The following RBMX2 variants were observed in gnomAD, a reference collection of about 807,000 sequenced individuals.
RBMX2 encodes RNA binding motif protein X-linked 2.
For missense variants in RBMX2, 191 were observed against 256.0 expected, an observed-to-expected ratio of 0.75 and a Z score of 1.73; for synonymous variants, 77 against 94.3, an observed-to-expected ratio of 0.82 and a Z score of 1.07.
intron 2 of RBMX2, 84 bp downstream of exon 2, chrX:130,402,454 C>G: frequency 8.8e-7 from 1 of 1,131,668 alleles, no homozygotes; most frequent in Non-Finnish European, 1.2e-6. Flanking sequence ...ACCCTTCACT[C>G]CTGCTTACAT....
intron 1 of RBMX2, 31 bp from the exon 2 acceptor site, chrX:130,402,224 T>TTCCCG: frequency 1.7e-6 from 2 of 1,174,319 alleles, no homozygotes; most frequent in Non-Finnish European, 2.3e-6. Context: ...CTTTTCTGCC[T>TTCCCG]ACCCTCCCCA....
At chrX:130,403,390 TGGA>T (rs769411321) in intron 2 of RBMX2, among the ~76,000 whole-genome samples, 1 of 112,293 alleles carries the variant, frequency 8.9e-6, no homozygotes, top group African/African-American at 3.2e-5. Flanking sequence ...TTTTTTGAGC[TGGA>T]GTTTCACTCT....
chrX:130,410,171 A>T (rs775179706), intron 4 of RBMX2, among the ~76,000 whole-genome samples: 15 of 111,675 alleles, frequency 1.3e-4, no homozygotes, highest in African/African-American at 4.6e-4. Flanking sequence ...CAGCAGTCAG[A>T]GGGCATCACT....
intron 4 of RBMX2, 150 bp from the exon 5 acceptor site, chrX:130,411,198 C>CA: frequency 2.0e-6 from 1 of 500,094 alleles, no homozygotes; most frequent in Non-Finnish European, 3.2e-6. Context: ...TGCTATGACA[C>CA]ACCAGTTGGA....
At chrX:130,404,239 G>A (rs2034472675) in intron 3 of RBMX2, 1 of 170,079 alleles carries the variant, frequency 5.9e-6, no homozygotes, top group Non-Finnish European at 1.1e-5. Context: ...AAAGCACAGA[G>A]GAAATTGGGG....
At chrX:130,405,463 AAAAT>A (rs2034479540) in intron 3 of RBMX2, among the ~76,000 whole-genome samples, 1 of 112,021 alleles carries the variant, frequency 8.9e-6, no homozygotes, top group Non-Finnish European at 1.9e-5. Flanking sequence ...AACATTTGGC[AAAAT>A]AAAGTATAAA....
intron 5 of RBMX2, among the ~76,000 whole-genome samples, chrX:130,412,089 ATT>A (rs750449865): frequency 1.7e-4 from 16 of 96,340 alleles, no homozygotes; most frequent in Admixed American, 2.2e-4. Context: ...CACCCGGCTA[ATT>A]TTTTTTTTTT....
At position 130,411,497 on chromosome X, in the gene RBMX2, T is replaced by A. The variant is rs757930091; in HGVS notation, c.453T>A (p.Asp151Glu). ...PSPSLSESSE[D>E]EKPTKKHKKD... ...CAAGTTTGTCTGAGAGCTCTGAAGA[T>A]GAAAAACCAACAAAAAAGCACAAAA... The change falls in exon 5 of 6, where the codon GAT becomes GAA. Residue 151 changes from aspartate (D) to glutamate (E), a missense_variant. Physicochemically the swap from Asp to Glu is conservative, Grantham distance 45. Transcript: ENST00000305536. The A allele has an allele frequency of 2.0e-5, 24 of 1,193,859 alleles. No individual in the cohort carries two copies. In the Admixed American group the frequency reaches 5.4e-4, roughly 27 times the overall value.
chrX:130,405,835 T>C (rs1319940651), intron 3 of RBMX2, among the ~76,000 whole-genome samples: 1 of 2,085 alleles, frequency 4.8e-4, no homozygotes, highest in Non-Finnish European at 7.7e-4. Context: ...TGCTTTGCCT[T>C]TTTTTTTTTT....
Position 130,413,134 on chromosome X carries a change from G to T in RBMX2, c.*286G>T. The T allele has an allele frequency of 5.1e-6, 1 of 197,609 alleles. No homozygotes were observed. The highest frequency in any genetic ancestry group is 9.2e-6 in the Non-Finnish European group (1 of 108,419). 16.3% of individuals were successfully genotyped at this position (197,609 alleles called of 1,213,427 possible). A position where few individuals can be genotyped will look rare whatever the true frequency, so the allele number is the denominator to read the frequency against. ...GTTGAAGATGGAATTTTCAGGAAAGGGAAAATACTAGATAATTCTAGAATT... is the reference window on the plus strand; with the variant it reads ...GTTGAAGATGGAATTTTCAGGAAAGTGAAAATACTAGATAATTCTAGAATT... On this transcript the variant is annotated 3_prime_UTR_variant, in exon 6 of 6. Transcript: ENST00000305536.
rs2034522408 is a variant in RBMX2, at chrX:130,412,901, C to T, written c.*53C>T. 5 of 1,097,584 alleles carry T rather than the reference C, an allele frequency of 4.6e-6. No individual in the cohort carries two copies. In the Admixed American group the frequency reaches 1.5e-4, roughly 32 times the overall value. 90.5% of individuals were successfully genotyped at this position (1,097,584 alleles called of 1,213,427 possible). ...AATAATTATGTTTTTTAAATGCAGTCAAATTCAGTTGGGTGGTTACTATTT... is the reference window on the plus strand; with the variant it reads ...AATAATTATGTTTTTTAAATGCAGTTAAATTCAGTTGGGTGGTTACTATTT... On this transcript the variant is annotated 3_prime_UTR_variant, in exon 6 of 6. Coordinates refer to ENST00000305536, the MANE Select transcript of RBMX2 (RefSeq NM_016024.4).
At chrX:130,409,537 G>C (rs1426571394) in intron 4 of RBMX2, 151 bp downstream of exon 4, 1 of 568,689 alleles carries the variant, frequency 1.8e-6, no homozygotes, top group African/African-American at 2.3e-5. Flanking sequence ...GTCAAGAAGA[G>C]ATTCCAGGAA....
intron 3 of RBMX2, among the ~76,000 whole-genome samples, chrX:130,406,597 G>A (rs369638784): frequency 1.3e-3 from 144 of 107,855 alleles, no homozygotes; most frequent in African/African-American, 4.8e-3. Flanking sequence ...CACTTGAATC[G>A]GGAAGGTGGA....
chrX:130,406,122 TGGG>T (rs2034484385), intron 3 of RBMX2, among the ~76,000 whole-genome samples: 1 of 67,846 alleles, frequency 1.5e-5, no homozygotes, highest in African/African-American at 1.6e-4. Flanking sequence ...CCCAAAGTGC[TGGG>T]ATTACAGGTG....
intron 2 of RBMX2, among the ~76,000 whole-genome samples, chrX:130,403,294 AAATT>A (rs1244521423): frequency 1.8e-5 from 2 of 112,680 alleles, no homozygotes; most frequent in Non-Finnish European, 3.7e-5. Context: ...CTTCCACTCA[AAATT>A]AATTACTCCT....
intron 3 of RBMX2, among the ~76,000 whole-genome samples, chrX:130,405,772 T>G (rs758964028): frequency 4.6e-5 from 5 of 108,957 alleles, no homozygotes; most frequent in African/African-American, 1.6e-4. Context: ...TGAATCCTGA[T>G]TAACAGTGAC....
In RBMX2 at chrX:130,402,382, ATCTT is replaced by A. The variant is rs1174946398; in HGVS notation, c.121+17_121+20del. ...CTGGATCTTCCTGGGTGAGGTCCAC[ATCTT>A]TCTTCCTCAGTGCTCTCCAGATTCT... On this transcript the variant is annotated intron_variant, in intron 2 of 5. Transcript: ENST00000305536. 8.3e-7 allele frequency: 1 copy of A among 1,204,863 alleles called. No individual in the cohort carries two copies. The highest frequency in any genetic ancestry group is 1.8e-5 in the South Asian group (1 of 55,477).
chrX:130,409,412 G>T lies in RBMX2; in HGVS notation c.303+26G>T, dbSNP rs767508639. On this transcript the variant is annotated intron_variant, in intron 4 of 5. Transcript: ENST00000305536. Reference sequence around the variant, plus strand: ...GTGAGTGTGCTTATTAAGCAGGTTGGTTGGACTTTTTTCCCATGTATAGGG... The same window carrying T: ...GTGAGTGTGCTTATTAAGCAGGTTGTTTGGACTTTTTTCCCATGTATAGGG... 85 of 1,188,201 alleles carry T rather than the reference G, an allele frequency of 7.2e-5. No homozygotes were observed. The East Asian group carries it at 2.5e-3, about 35-fold the overall frequency.
At chrX:130,410,802 GAAA>G (rs1476719377) in intron 4 of RBMX2, among the ~76,000 whole-genome samples, 2 of 112,304 alleles carry the variant, frequency 1.8e-5, no homozygotes, top group Non-Finnish European at 3.8e-5. Context: ...GAGGGCTTAA[GAAA>G]AAAGCAAGTG....
Sources: allele counts gnomAD v4.1 joint callset (sites outside exome capture counted in the v4.1 genomes callset), GRCh38; gene constraint gnomAD v4.1.1; transcripts MANE v1.5; gene names NCBI Gene and HGNC (gene_info 2026-07-23, HGNC 2026-07-21).